The following DAPK1 variants were observed in gnomAD, a reference collection of about 807,000 sequenced individuals.
The protein encoded by DAPK1 is death-associated protein kinase 1.
A neutral mutation model predicts 144.9 loss-of-function variants in DAPK1; 56 were observed. The observed-to-expected ratio is 0.39, with a 90% CI of 0.31 to 0.48. The LOEUF (loss-of-function observed/expected upper bound fraction) is 0.48. Ranked by LOEUF, DAPK1 falls within the 20% of genes least tolerant of loss-of-function variation. The probability of loss-of-function intolerance (pLI) is 0.95; values close to 1 mark genes in which losing one functional copy is unlikely to be tolerated. For missense variants in DAPK1, 1,454 were observed against 1,875.4 expected (o/e 0.78, Z 4.15); for synonymous variants, 690 against 749.0 (o/e 0.92, Z 1.29).
intron 18 of DAPK1, among the ~76,000 whole-genome samples, chr9:87,665,390 C>G (rs1433640019): frequency 6.6e-6 from 1 of 152,116 alleles, no homozygotes; most frequent in African/African-American, 2.4e-5. Context: ...GTTTGTTGAC[C>G]GAGTGCTAAG....
chr9:87,562,563 C>G (rs1441035650), intron 2 of DAPK1, among the ~76,000 whole-genome samples: 2 of 152,164 alleles, frequency 1.3e-5, no homozygotes, highest in East Asian at 3.8e-4. Context: ...ATGACTGTCA[C>G]TGCCACAGTA....
intron 2 of DAPK1, among the ~76,000 whole-genome samples, chr9:87,503,281 T>G (rs149870225): frequency 6.6e-6 from 1 of 152,000 alleles, no homozygotes; most frequent in South Asian, 2.1e-4. Context: ...ATATATATTT[T>G]AGAGACAGGG....
chr9:87,528,766 G>A (rs547022711), intron 2 of DAPK1, among the ~76,000 whole-genome samples: 1 of 46,880 alleles, frequency 2.1e-5, no homozygotes, highest in African/African-American at 6.6e-5. Context: ...CAGCTACTCG[G>A]GAGGCTGAGG....
intron 3 of DAPK1, among the ~76,000 whole-genome samples, chr9:87,621,991 G>A (rs1829310469): frequency 6.6e-6 from 1 of 151,536 alleles, no homozygotes. Flanking sequence ...TGGGCCCATG[G>A]AATGACTTGG....
intron 2 of DAPK1, among the ~76,000 whole-genome samples, chr9:87,580,123 G>A (rs1489585677): frequency 2.6e-5 from 4 of 152,140 alleles, no homozygotes; most frequent in Non-Finnish European, 5.9e-5. Context: ...AATGGCAGTG[G>A]TTACAGCAGA....
At chr9:87,510,773 C>T (rs1444387768) in intron 2 of DAPK1, among the ~76,000 whole-genome samples, 1 of 152,192 alleles carries the variant, frequency 6.6e-6, no homozygotes, top group East Asian at 1.9e-4. Context: ...ATCCCTGTCT[C>T]CACAAAACAC....
chr9:87,578,171 C>T (rs969530835), intron 2 of DAPK1, among the ~76,000 whole-genome samples: 3 of 152,150 alleles, frequency 2.0e-5, no homozygotes, highest in Admixed American at 6.5e-5. Flanking sequence ...TCCCATCCCC[C>T]GAAAGATCCC....
In DAPK1 at chr9:87,586,268, C is replaced by A. The variant is rs1827940146; in HGVS notation, c.63-18686C>A. On this transcript the variant is annotated intron_variant, in intron 2 of 25. Transcript: ENST00000408954. ...GCGCCCCACTGCACTCCAGCCTGGGCAACAGAGTGAGGCCCTGTCTCCAAG... is the reference window on the plus strand; with the variant it reads ...GCGCCCCACTGCACTCCAGCCTGGGAAACAGAGTGAGGCCCTGTCTCCAAG... Among the ~76,000 whole-genome samples the A allele has an allele frequency of 4.6e-5, 7 of 152,210 alleles. 1 individual carries two copies. In the South Asian group the frequency reaches 1.4e-3, roughly 32 times the overall value.
intron 2 of DAPK1, among the ~76,000 whole-genome samples, chr9:87,580,306 A>T (rs556133353): frequency 6.6e-6 from 1 of 152,172 alleles, no homozygotes; most frequent in African/African-American, 2.4e-5. Flanking sequence ...CATTTTGGGG[A>T]TGTGGCTGGA....
intron 3 of DAPK1, among the ~76,000 whole-genome samples, chr9:87,617,632 A>G (rs1411427772): frequency 6.6e-6 from 1 of 152,084 alleles, no homozygotes; most frequent in Non-Finnish European, 1.5e-5. Flanking sequence ...ATTTATTGCA[A>G]AGTGTATTAA....
chr9:87,681,750 CT>C, intron 20 of DAPK1, 124 bp downstream of exon 20: 1 of 688,924 alleles, frequency 1.5e-6, no homozygotes, highest in Non-Finnish European at 2.7e-6. Flanking sequence ...ACCCTGTGGC[CT>C]TAGTGGTTTT....
chr9:87,612,618 C>T (rs928785858), intron 3 of DAPK1, among the ~76,000 whole-genome samples: 3 of 152,220 alleles, frequency 2.0e-5, no homozygotes, highest in African/African-American at 4.8e-5. Context: ...TTAACAGAAA[C>T]TAGATTTCCT....
chr9:87,512,347 C>A (rs1824879719), intron 2 of DAPK1, among the ~76,000 whole-genome samples: 5 of 152,060 alleles, frequency 3.3e-5, no homozygotes, highest in Admixed American at 3.3e-4. Flanking sequence ...ACACCTGAGT[C>A]CCTGACCAAG....
At chr9:87,663,417 C>T (rs1484320349) in intron 18 of DAPK1, among the ~76,000 whole-genome samples, 1 of 152,140 alleles carries the variant, frequency 6.6e-6, no homozygotes, top group African/African-American at 2.4e-5. Context: ...TGCCTCCGCT[C>T]CCGCCCACTG....
intron 2 of DAPK1, among the ~76,000 whole-genome samples, chr9:87,547,703 G>A (rs954198003): frequency 6.6e-6 from 1 of 152,000 alleles, no homozygotes; most frequent in African/African-American, 2.4e-5. Flanking sequence ...GGGCAGGGGT[G>A]GGGGTGCAGG....
chr9:87,655,950 G>A (rs149559068), intron 17 of DAPK1, among the ~76,000 whole-genome samples: 7 of 152,326 alleles, frequency 4.6e-5, no homozygotes, highest in South Asian at 2.1e-4. Context: ...GGAGGAACTC[G>A]TAGATGCCAA....
intron 17 of DAPK1, 74 bp from the exon 18 acceptor site, chr9:87,657,955 C>G: frequency 1.4e-6 from 1 of 724,822 alleles, no homozygotes; most frequent in East Asian, 2.7e-5. Flanking sequence ...CTTCCTTAAC[C>G]TTGTGTCTCC....
intron 2 of DAPK1, among the ~76,000 whole-genome samples, chr9:87,559,130 G>A (rs56372345): frequency 0.019 from 2,824 of 152,284 alleles, 41 homozygotes; most frequent in Middle Eastern, 0.034. Context: ...TGTGCTTGAC[G>A]TGTATTATCT....
intron 19 of DAPK1, among the ~76,000 whole-genome samples, chr9:87,669,884 G>A (rs1045236575): frequency 6.6e-6 from 1 of 152,028 alleles, no homozygotes; most frequent in Admixed American, 6.5e-5. Context: ...TAAAATCATG[G>A]GTGATTGATT....
Sources: gnomAD v4.1 joint callset for allele counts (sites outside exome capture counted in the v4.1 genomes callset) on GRCh38, gnomAD v4.1.1 for gene constraint, MANE v1.5 for transcripts, NCBI Gene and HGNC (gene_info 2026-07-23, HGNC 2026-07-21) for gene names.